Variants in CCDC88A observed in about 807,000 individuals in gnomAD.
The protein encoded by CCDC88A is coiled-coil and HOOK domain protein 88A, also known as girdin.
Under a neutral mutation model 234.3 loss-of-function variants are expected in CCDC88A, and 54 were observed. That is an observed-to-expected ratio of 0.23 (90% CI 0.19 to 0.29). The LOEUF is 0.29. Among genes scored for constraint, CCDC88A ranks in the 10% least tolerant of loss-of-function variants. CCDC88A has a pLI of 1.00. For missense variants in CCDC88A, 1,832 were observed against 2,123.4 expected (o/e 0.86, Z 2.70); for synonymous variants, 753 against 737.8 (o/e 1.02, Z -0.33).
In CCDC88A at chr2:55,334,674, G is replaced by T. The variant is rs1212985835; in HGVS notation, c.2147C>A (p.Ala716Glu). ...CTGTAGCTGAGCCATTTTCATGCTT[G>T]CACACTTCAAAGATTCTACATTCCT... The part of the protein sequence containing the change: ...LRRNVESLKC[A>E]SMKMAQLQLE... Residue 716 changes from alanine to glutamate, a missense_variant, in exon 15 of 33, where the codon GCA becomes GAA. Ala to Glu is a moderately radical substitution (Grantham distance 107). This residue lies in a region of CCDC88A where 1,282 missense variants were observed against 1,543.6 expected (regional missense o/e 0.83). Transcript: ENST00000436346. This position sits in a 1 kb window ranked among gnomAD's most constrained non-coding sequence, Gnocchi z 6.1. 1 of 1,613,630 alleles carries T rather than the reference G, an allele frequency of 6.2e-7. No individual in the cohort carries two copies. Among genetic ancestry groups the T allele is most frequent in the East Asian group, 2.2e-5 (1 of 44,822 alleles).
At chr2:55,357,814 T>C (rs939975754) in intron 7 of CCDC88A, among the ~76,000 whole-genome samples, 6 of 152,184 alleles carry the variant, frequency 3.9e-5, no homozygotes, top group Non-Finnish European at 7.3e-5. Flanking sequence ...CCAGTAACTA[T>C]TGCTTTCCGA....
At position 55,295,766 on chromosome 2, in the gene CCDC88A, T is replaced by C; in HGVS notation, c.5382A>G (p.Lys1794=). 1 of 1,614,228 alleles carries C rather than the reference T, an allele frequency of 6.2e-7. No homozygotes were observed. Among genetic ancestry groups the C allele is most frequent in the Non-Finnish European group, 8.5e-7 (1 of 1,180,034 alleles). ...GTAAAGTTGCATAAGGGTTACTATCTTTTGATTGTCGTGACAGAGAAGATT... is the reference window on the plus strand; with the variant it reads ...GTAAAGTTGCATAAGGGTTACTATCCTTTGATTGTCGTGACAGAGAAGATT... ...VKESSLSRQS[K]DSNPYATLPR... The change falls in exon 31 of 33, where the codon AAA becomes AAG. Residue 1794 remains lysine (K), a synonymous_variant. Transcript: ENST00000436346.
rs1558788740 is a variant in CCDC88A, at chr2:55,384,608, T to TGC, written c.273+4169_273+4170insGC. On this transcript the variant is annotated intron_variant, in intron 3 of 32. Coordinates refer to ENST00000436346, the MANE Select transcript of CCDC88A (RefSeq NM_001365480.1). ...ATATATACACATATATACGTATATA[T>TGC]GTGTATATATACGTATATATATGTA... Among the ~76,000 whole-genome samples the TGC allele has an allele frequency of 1.9e-4, 24 of 126,584 alleles. 8 individuals carry two copies. The highest frequency in any genetic ancestry group is 7.4e-4 in the African/African-American group (22 of 29,642). The allele number at this position is 126,584 out of a possible 152,430, so 83.0% of individuals were successfully genotyped here. A position where few individuals can be genotyped will look rare whatever the true frequency, so the allele number is the denominator to read the frequency against.
intron 23 of CCDC88A, among the ~76,000 whole-genome samples, chr2:55,310,937 T>C (rs1682274198): frequency 6.6e-6 from 1 of 152,204 alleles, no homozygotes. Context: ...TAGGACCACG[T>C]AACAAAGGCA....
In CCDC88A at chr2:55,384,658, T is replaced by TGTATATATGTGTATATATAC. The variant is rs1675291057; in HGVS notation, c.273+4119_273+4120insGTATATATACACATATATAC. Among the ~76,000 whole-genome samples the TGTATATATGTGTATATATAC allele has an allele frequency of 1.5e-4, 10 of 66,132 alleles. 3 individuals are homozygous for TGTATATATGTGTATATATAC. Among genetic ancestry groups the TGTATATATGTGTATATATAC allele is most frequent in the Admixed American group, 2.7e-4 (2 of 7,502 alleles). The allele number at this position is 66,132 out of a possible 152,430, so 43.4% of individuals were successfully genotyped here. ...ATATATGTGTATATATACATATATA[T>TGTATATATGTGTATATATAC]ATATATATATTTTTTAAAGACAGAG... On this transcript the variant is annotated intron_variant, in intron 3 of 32. Transcript: ENST00000436346.
chr2:55,395,060 G>A (rs1463520223), intron 2 of CCDC88A, among the ~76,000 whole-genome samples: 1 of 152,028 alleles, frequency 6.6e-6, no homozygotes, highest in Non-Finnish European at 1.5e-5. Context: ...TGGCCAGGCT[G>A]GTCTCAAACT....
At position 55,303,114 on chromosome 2, in the gene CCDC88A, G is replaced by T; in HGVS notation, c.4426C>A (p.Pro1476Thr). Reference protein sequence around the residue: ...LKRLPFLRNRPKDKDKMKACY... With the variant: ...LKRLPFLRNRTKDKDKMKACY... ...GCCTTCATTTTGTCTTTATCCTTCG[G>T]TCTGTTCCTCAAAAAGGGCAGTCTT... Residue 1476 changes from proline to threonine, a missense_variant, in exon 26 of 33, where the codon CCG (proline) becomes ACG (threonine). Pro to Thr is a conservative substitution (Grantham distance 38). This residue lies in a region of CCDC88A where 1,282 missense variants were observed against 1,543.6 expected (regional missense o/e 0.83). Transcript: ENST00000436346. 1 of 1,551,656 alleles carries T rather than the reference G, an allele frequency of 6.4e-7. No individual in the cohort carries two copies. Among genetic ancestry groups the T allele is most frequent in the Non-Finnish European group, 8.7e-7 (1 of 1,146,808 alleles).
At chr2:55,378,876 G>A (rs1056162728) in intron 3 of CCDC88A, among the ~76,000 whole-genome samples, 13 of 151,678 alleles carry the variant, frequency 8.6e-5, no homozygotes, top group Non-Finnish European at 2.9e-5. Flanking sequence ...CTCCCAAATC[G>A]CTGGAATTAC....
At chr2:55,416,459 T>C (rs1360526937) in intron 2 of CCDC88A, among the ~76,000 whole-genome samples, 2 of 86,426 alleles carry the variant, frequency 2.3e-5, no homozygotes, top group Non-Finnish European at 4.4e-5. Context: ...TATATATATA[T>C]ATATATATAT....
At chr2:55,349,147 G>A (rs1238162863) in intron 9 of CCDC88A, 1 of 169,820 alleles carries the variant, frequency 5.9e-6, no homozygotes, top group African/African-American at 2.4e-5. Flanking sequence ...TATTACATAT[G>A]AGTTAGCATA....
intron 9 of CCDC88A, 51 bp from the exon 10 acceptor site, chr2:55,346,384 T>C: frequency 9.9e-7 from 1 of 1,014,478 alleles, no homozygotes; most frequent in Non-Finnish European, 1.4e-6. Flanking sequence ...TATCAACTTG[T>C]TATTCTTTGT....
At chr2:55,319,937 T>C (rs779796168) in intron 18 of CCDC88A, among the ~76,000 whole-genome samples, 1 of 152,200 alleles carries the variant, frequency 6.6e-6, no homozygotes, top group Non-Finnish European at 1.5e-5. Context: ...TAGATCACTC[T>C]TATCATATCT....
Position 55,308,939 on chromosome 2 carries a change from T to C in CCDC88A, c.4257A>G (p.Thr1419=), listed in dbSNP as rs1302336270. 3.7e-6 allele frequency: 6 copies of C among 1,613,982 alleles called. 1 individual carries two copies. Among genetic ancestry groups the C allele is most frequent in the East Asian group, 2.2e-5 (1 of 44,890 alleles). Residue 1419 remains threonine (T), a synonymous_variant, in exon 25 of 33, where the codon ACA becomes ACG. Transcript: ENST00000436346. ...DINRERQKSL[T]LTPTRSDSSE... ...TGGAGTCTGAGCGGGTGGGTGTTAA[T>C]GTTAGAGATTTCTGGCGTTCCCGAT...
chr2:55,328,744 C>CTTTGT lies in CCDC88A; in HGVS notation c.2856-314_2856-310dup, dbSNP rs57996645. ...ATATCCTTTTTATTAATGAAGACTC[C>CTTTGT]TTTGTTTTGTTTTGTTTTGTTTTGT... On this transcript the variant is annotated intron_variant, in intron 16 of 32. Transcript: ENST00000436346. This position sits in a 1 kb window ranked among gnomAD's most constrained non-coding sequence, Gnocchi z 4.3. 2,010 of 168,520 alleles carry CTTTGT rather than the reference C, an allele frequency of 0.012. 16 individuals carry two copies. Among genetic ancestry groups the CTTTGT allele is most frequent in the Admixed American group, 0.022 (339 of 15,566 alleles). The allele number at this position is 168,520 out of a possible 1,614,324, so 10.4% of individuals were successfully genotyped here.
intron 2 of CCDC88A, among the ~76,000 whole-genome samples, chr2:55,393,540 T>C (rs1435521669): frequency 6.6e-6 from 1 of 152,006 alleles, no homozygotes; most frequent in Non-Finnish European, 1.5e-5. Flanking sequence ...GTGATCCACC[T>C]ACCTCAGCCT....
chr2:55,293,551 A>G (rs1679684021), intron 31 of CCDC88A: 1 of 152,022 alleles, frequency 6.6e-6, no homozygotes, highest in East Asian at 1.9e-4. Context: ...AAAGGAGACA[A>G]ATTTCATTAG....
chr2:55,296,322 G>C lies in CCDC88A; in HGVS notation c.5027C>G (p.Pro1676Arg), dbSNP rs776901203. The C allele has an allele frequency of 5.6e-6, 9 of 1,614,142 alleles. No homozygotes were observed. The highest frequency in any genetic ancestry group is 7.6e-6 in the Non-Finnish European group (9 of 1,180,002). The stretch of plus-strand genomic sequence containing the variant: ...TTGTAGAGTAACAACTTCACTTCCA[G>C]GGGAACCAGTTTTGATCTTGTGATG... ...SRHHKIKTGS[P>R]GSEVVTLQQF... is the part of the protein sequence containing the mutation. Residue 1676 changes from proline (P) to arginine (R), a missense_variant, in exon 30 of 33, where the codon CCT becomes CGT. Physicochemically the swap from Pro to Arg is moderately radical, Grantham distance 103 (BLOSUM62 -2). This residue lies in a region of CCDC88A where 422 missense variants were observed against 416.5 expected (regional missense o/e 1.01). Transcript: ENST00000436346.
chr2:55,396,093 A>G (rs1016712217), intron 2 of CCDC88A, among the ~76,000 whole-genome samples: 2 of 151,144 alleles, frequency 1.3e-5, no homozygotes, highest in Admixed American at 6.6e-5. Context: ...CTTGTCTGGT[A>G]TCTTTTTTAG....
chr2:55,339,654 ATAT>A lies in CCDC88A; in HGVS notation c.1334-9_1334-7del. 1 of 1,590,358 alleles carries A rather than the reference ATAT, an allele frequency of 6.3e-7. No individual in the cohort carries two copies. Among genetic ancestry groups the A allele is most frequent in the Non-Finnish European group, 8.5e-7 (1 of 1,172,440 alleles). On this transcript the variant is annotated splice_polypyrimidine_tract_variant and splice_region_variant and intron_variant, in intron 12 of 32. Coordinates refer to ENST00000436346, the MANE Select transcript of CCDC88A (RefSeq NM_001365480.1). ...GCCCAGGGATTTCTGGGGTGCTATA[ATAT>A]TGAAAAATACACCATTGTATTTACT...
Sources: gnomAD v4.1 joint callset for allele counts (sites outside exome capture counted in the v4.1 genomes callset) on GRCh38, gnomAD v4.1.1 for gene constraint, gnomAD v4.1.1 regional missense constraint, Gnocchi (gnomAD v3.1) non-coding constraint, MANE v1.5 for transcripts, NCBI Gene and HGNC (gene_info 2026-07-23, HGNC 2026-07-21) for gene names.